Variants in NFIC observed in about 807,000 individuals in gnomAD.
NFIC encodes the protein nuclear factor 1 C-type.
In NFIC, 12 loss-of-function variants were observed where a neutral mutation model predicts 54.4. The observed-to-expected ratio is 0.22, with a 90% CI of 0.14 to 0.36. The LOEUF (loss-of-function observed/expected upper bound fraction) is 0.36, where lower values mean the gene tolerates loss of function less well. NFIC is among the 10% of genes least tolerant of loss of function. The pLI is 1.00. For synonymous variants in NFIC, 322 were observed against 319.2 expected (o/e 1.01, Z -0.09); for missense variants, 575 against 718.2 (o/e 0.80, Z 2.28).
chr19:3,457,001 T>C (rs2082569725), intron 10 of NFIC, among the ~76,000 whole-genome samples: 1 of 152,096 alleles, frequency 6.6e-6, no homozygotes, highest in Admixed American at 6.5e-5. Context: ...GGTCACACAG[T>C]GCATCACCCT....
At chr19:3,382,623 G>C (rs1414901959) in intron 2 of NFIC, among the ~76,000 whole-genome samples, 1 of 151,996 alleles carries the variant, frequency 6.6e-6, no homozygotes, top group Admixed American at 6.6e-5. Context: ...AGGAGGGTCT[G>C]AGGGAGGAGG....
In NFIC at chr19:3,388,369, G is replaced by T. The variant is rs906960050; in HGVS notation, c.562+6126G>T. On this transcript the variant is annotated intron_variant, in intron 2 of 10. Transcript: ENST00000443272. ...TCCGAGGCCACCGCTCACCCTAACTGGTTTAATTCTCTCCCCCATCCAAGC... is the reference window on the plus strand; with the variant it reads ...TCCGAGGCCACCGCTCACCCTAACTTGTTTAATTCTCTCCCCCATCCAAGC... 2.6e-5 allele frequency among the ~76,000 whole-genome samples: 4 copies of T among 152,134 alleles called. No homozygotes were observed. The South Asian group carries it at 8.3e-4, about 32-fold the overall frequency.
chr19:3,383,149 A>G (rs559287432), intron 2 of NFIC, among the ~76,000 whole-genome samples: 4 of 149,330 alleles, frequency 2.7e-5, no homozygotes, highest in South Asian at 2.1e-4. Context: ...AGGAGAGCCA[A>G]GAGAGTCCTG....
intron 2 of NFIC, among the ~76,000 whole-genome samples, chr19:3,420,556 A>AAAAAAAAT (rs1555751892): frequency 1.3e-4 from 18 of 142,680 alleles, no homozygotes; most frequent in African/African-American, 2.6e-4. Flanking sequence ...CCATCTCAAA[A>AAAAAAAAT]AAATAAATAA....
chr19:3,361,734 C>T (rs926466991), upstream of NFIC, among the ~76,000 whole-genome samples: 1 of 152,112 alleles, frequency 6.6e-6, no homozygotes, highest in Non-Finnish European at 1.5e-5. Context: ...AGCTATCTCC[C>T]TCCGCACTCC....
chr19:3,366,851 C>G (rs1479296742), intron 1 of NFIC, among the ~76,000 whole-genome samples, 185 bp downstream of exon 1: 1 of 151,978 alleles, frequency 6.6e-6, no homozygotes, highest in Middle Eastern at 3.4e-3. Context: ...GGTACCCCCC[C>G]CACACCCTTA....
At chr19:3,387,406 G>A (rs541807326) in intron 2 of NFIC, among the ~76,000 whole-genome samples, 1 of 152,312 alleles carries the variant, frequency 6.6e-6, no homozygotes, top group African/African-American at 2.4e-5. Context: ...GGAGGCTGAG[G>A]CAGGAGAATC....
At chr19:3,366,494 C>G, upstream of NFIC, 2 of 480,710 alleles carry the variant, frequency 4.2e-6, no homozygotes, top group Non-Finnish European at 6.9e-6. Flanking sequence ...GGAGGGAGAC[C>G]GAGGGAGGAG....
intron 6 of NFIC, among the ~76,000 whole-genome samples, chr19:3,446,955 G>A (rs2082381947): frequency 6.6e-6 from 1 of 152,126 alleles, no homozygotes; most frequent in African/African-American, 2.4e-5. Context: ...AAGCCCAGGA[G>A]GTTGAGGCTG....
At chr19:3,399,475 TCG>T (rs1025803411) in intron 2 of NFIC, among the ~76,000 whole-genome samples, 4 of 151,350 alleles carry the variant, frequency 2.6e-5, no homozygotes, top group African/African-American at 9.7e-5. Context: ...ACTCGAGAGG[TCG>T]CGGCAGGAGG....
At chr19:3,365,728 G>A (rs767166907), upstream of NFIC, among the ~76,000 whole-genome samples, 204 of 152,196 alleles carry the variant, frequency 1.3e-3, no homozygotes, top group Non-Finnish European at 1.5e-3. Flanking sequence ...TGGAGATCCC[G>A]CCTGGACACC....
intron 1 of NFIC, among the ~76,000 whole-genome samples, chr19:3,378,209 C>T (rs573401185): frequency 1.3e-5 from 2 of 149,140 alleles, no homozygotes; most frequent in South Asian, 4.2e-4. Context: ...TGCAGTGAGC[C>T]GAGATTGTGC....
intron 6 of NFIC, among the ~76,000 whole-genome samples, chr19:3,447,160 G>A (rs1404624179): frequency 2.0e-5 from 3 of 151,944 alleles, no homozygotes; most frequent in Admixed American, 6.6e-5. Context: ...TGACCCGGGC[G>A]TGGTGGTGGG....
In NFIC at chr19:3,381,708, G is replaced by T; in HGVS notation, c.31-4G>T. On this transcript the variant is annotated splice_region_variant and splice_polypyrimidine_tract_variant and intron_variant, in intron 1 of 10. Coordinates refer to ENST00000443272, the MANE Select transcript of NFIC (RefSeq NM_001245002.2). ...TCCTGACCTCTCGCCTCTCCGGCCT[G>T]CAGGATGAGTTCCACCCGTTCATCG... 1 of 1,613,304 alleles carries T rather than the reference G, an allele frequency of 6.2e-7. No individual in the cohort carries two copies. The highest frequency in any genetic ancestry group is 2.2e-5 in the East Asian group (1 of 44,878).
chr19:3,446,025 C>G (rs536193891), intron 6 of NFIC, among the ~76,000 whole-genome samples: 1 of 151,994 alleles, frequency 6.6e-6, no homozygotes, highest in African/African-American at 2.4e-5. Context: ...CAGGACAGCT[C>G]CCTACAGAGA....
chr19:3,404,280 C>G (rs928803421), intron 2 of NFIC, among the ~76,000 whole-genome samples: 13 of 152,066 alleles, frequency 8.5e-5, no homozygotes, highest in Admixed American at 5.2e-4. Flanking sequence ...CACTCCCCCC[C>G]ACCCCGGGTG....
rs562035739 is a variant in NFIC at position 3,370,014 on chromosome 19, A to T, written c.30+3348A>T. ...ACCCCCGACCTTTGTTGGATTTTCT[A>T]GATCTTCCTTAAGCATCTCCTGGGC... On this transcript the variant is annotated intron_variant, in intron 1 of 10. Transcript: ENST00000443272. This position sits in a 1 kb window ranked among gnomAD's most constrained non-coding sequence, Gnocchi z 5.2. Among the ~76,000 whole-genome samples the T allele has an allele frequency of 6.6e-6, 1 of 151,964 alleles. No homozygotes were observed. The highest frequency in any genetic ancestry group is 6.5e-5 in the Admixed American group (1 of 15,280).
chr19:3,405,656 A>G (rs1299291131), intron 2 of NFIC, among the ~76,000 whole-genome samples: 1 of 151,334 alleles, frequency 6.6e-6, no homozygotes, highest in African/African-American at 2.4e-5. Flanking sequence ...CTGGAGTGCA[A>G]TGGCACGATC....
At chr19:3,436,191 C>G (rs564833144) in intron 6 of NFIC, among the ~76,000 whole-genome samples, 15 of 152,044 alleles carry the variant, frequency 9.9e-5, no homozygotes, top group African/African-American at 3.4e-4. Flanking sequence ...GCTGCCCAGG[C>G]TGGAGTGCCG....
Sources: allele counts gnomAD v4.1 joint callset (sites outside exome capture counted in the v4.1 genomes callset), GRCh38; gene constraint gnomAD v4.1.1; non-coding constraint Gnocchi (gnomAD v3.1); transcripts MANE v1.5; gene names NCBI Gene and HGNC (gene_info 2026-07-23, HGNC 2026-07-21).